Variants in SDK1 observed in about 807,000 individuals in gnomAD.
SDK1 encodes sidekick cell adhesion molecule 1, also known as protein sidekick-1.
SDK1 carries 157 observed loss-of-function variants against 245.5 expected under a neutral mutation model. That is an observed-to-expected ratio of 0.64 (90% confidence interval 0.56 to 0.73). The LOEUF is 0.73. SDK1 is among the 30% of genes least tolerant of loss of function. The pLI, the probability that SDK1 is intolerant of heterozygous loss-of-function variation, is 0.00. For missense variants in SDK1, 3,583 were observed against 3,002.3 expected (o/e 1.19, Z -4.52); for synonymous variants, 1,647 against 1,278.5 (o/e 1.29, Z -6.15).
At chr7:3,550,318 T>C (rs537292710) in intron 1 of SDK1, among the ~76,000 whole-genome samples, 7 of 152,308 alleles carry the variant, frequency 4.6e-5, no homozygotes, top group Admixed American at 1.3e-4. Flanking sequence ...TTGTAGTCAT[T>C]TGCGTTTTCT....
intron 28 of SDK1, among the ~76,000 whole-genome samples, chr7:4,141,047 G>A (rs1353071251): frequency 6.6e-6 from 1 of 152,210 alleles, no homozygotes; most frequent in Admixed American, 6.5e-5. Context: ...CCGGCTCCCT[G>A]CTGTCTAGTC....
At chr7:3,396,610 C>A (rs1781902243) in intron 1 of SDK1, among the ~76,000 whole-genome samples, 1 of 151,216 alleles carries the variant, frequency 6.6e-6, no homozygotes, top group South Asian at 2.1e-4. Context: ...TATAAAATTT[C>A]CTTTTCTTTC....
At chr7:3,488,466 A>T (rs1583936683) in intron 1 of SDK1, among the ~76,000 whole-genome samples, 1 of 152,116 alleles carries the variant, frequency 6.6e-6, no homozygotes, top group Non-Finnish European at 1.5e-5. Context: ...CCTGAATTTC[A>T]GTTTTTATTG....
intron 34 of SDK1, among the ~76,000 whole-genome samples, chr7:4,177,262 C>T (rs565995985): frequency 9.2e-5 from 14 of 152,326 alleles, no homozygotes; most frequent in African/African-American, 3.1e-4. Context: ...CCAAGCACAC[C>T]ACCATCCACA....
intron 1 of SDK1, among the ~76,000 whole-genome samples, chr7:3,406,805 A>G (rs999318438): frequency 6.6e-6 from 1 of 152,204 alleles, no homozygotes; most frequent in Admixed American, 6.5e-5. Context: ...ATGTGCGTGT[A>G]TACATCCATA....
intron 25 of SDK1, among the ~76,000 whole-genome samples, chr7:4,123,698 G>T (rs1038506423): frequency 6.6e-6 from 1 of 152,252 alleles, no homozygotes; most frequent in African/African-American, 2.4e-5. Context: ...TATTTGGGAA[G>T]ATTGGACTGG....
Position 4,136,435 on chromosome 7 carries a change from C to G in SDK1, c.4228+4012C>G, listed in dbSNP as rs555618224. Among the ~76,000 whole-genome samples the G allele has an allele frequency of 2.0e-5, 3 of 152,352 alleles. 1 individual carries two copies. Among genetic ancestry groups the G allele is most frequent in the African/African-American group, 7.2e-5 (3 of 41,582 alleles). On this transcript the variant is annotated intron_variant, in intron 28 of 44. Transcript: ENST00000404826. The stretch of plus-strand genomic sequence containing the variant: ...CAGCTTGGCCTTCTGAGTACATAAA[C>G]ACCTCTGCCGCCCGAGCTTTTGTAA...
intron 21 of SDK1, among the ~76,000 whole-genome samples, chr7:4,077,850 A>G (rs1383068687): frequency 1.3e-5 from 2 of 152,156 alleles, no homozygotes; most frequent in African/African-American, 2.4e-5. Context: ...ACAATTCAAG[A>G]TGAGATTTGA....
intron 4 of SDK1, among the ~76,000 whole-genome samples, chr7:3,692,024 A>G (rs1445592519): frequency 1.3e-5 from 2 of 152,038 alleles, no homozygotes; most frequent in African/African-American, 4.8e-5. Flanking sequence ...TTAAACTCCT[A>G]CAATGTACCA....
At chr7:3,636,854 C>G (rs922554143) in intron 2 of SDK1, among the ~76,000 whole-genome samples, 4 of 152,092 alleles carry the variant, frequency 2.6e-5, no homozygotes, top group Non-Finnish European at 5.9e-5. Context: ...ATGTGTTTTT[C>G]ATTTTTCGAT....
chr7:3,476,662 T>C (rs1781356157), intron 1 of SDK1, among the ~76,000 whole-genome samples: 1 of 152,230 alleles, frequency 6.6e-6, no homozygotes, highest in Non-Finnish European at 1.5e-5. Flanking sequence ...TATTTTTATA[T>C]AGTTAATTTT....
intron 35 of SDK1, among the ~76,000 whole-genome samples, chr7:4,196,471 C>T (rs1387671393): frequency 3.3e-5 from 5 of 152,338 alleles, no homozygotes; most frequent in East Asian, 3.9e-4. Context: ...CGTGCGGTGC[C>T]GTCTCTCCCG....
chr7:3,804,635 G>A lies in SDK1; in HGVS notation c.714-16815G>A, dbSNP rs148546195. Among the ~76,000 whole-genome samples the A allele has an allele frequency of 5.9e-5, 9 of 152,232 alleles. No homozygotes were observed. The East Asian group carries it at 1.5e-3, about 26-fold the overall frequency. The stretch of plus-strand genomic sequence containing the variant: ...ATTTTGAAGGAATCACATTAAACAC[G>A]TAGGCCTGTTCGGACAAAACCAGTA... On this transcript the variant is annotated intron_variant, in intron 4 of 44. Transcript: ENST00000404826.
chr7:4,138,959 C>A (rs945751056), intron 28 of SDK1, among the ~76,000 whole-genome samples: 2 of 152,158 alleles, frequency 1.3e-5, no homozygotes, highest in Non-Finnish European at 2.9e-5. Flanking sequence ...CCGGAGCCTG[C>A]TAGGTTTTGA....
chr7:3,342,582 C>G (rs1780377040), intron 1 of SDK1, among the ~76,000 whole-genome samples: 1 of 151,502 alleles, frequency 6.6e-6, no homozygotes, highest in Non-Finnish European at 1.5e-5. Flanking sequence ...GAGCGAAACT[C>G]CATCTCAAAA....
At chr7:4,116,676 C>T (rs1783732196) in intron 25 of SDK1, among the ~76,000 whole-genome samples, 1 of 152,226 alleles carries the variant, frequency 6.6e-6, no homozygotes, top group African/African-American at 2.4e-5. Context: ...TTTATTTCTT[C>T]CTACTCTTCT....
chr7:4,221,412 G>A, intron 40 of SDK1, 48 bp downstream of exon 40: 1 of 1,557,036 alleles, frequency 6.4e-7, no homozygotes, highest in Non-Finnish European at 8.7e-7. Flanking sequence ...GCGGACGGCA[G>A]TGCTTCTAAG....
intron 38 of SDK1, among the ~76,000 whole-genome samples, chr7:4,215,872 C>G (rs1044299706): frequency 3.9e-4 from 60 of 152,238 alleles, no homozygotes; most frequent in African/African-American, 1.3e-3. Flanking sequence ...TCACCGTGGT[C>G]CTATGAGGTA....
Position 4,161,876 on chromosome 7 carries a change from C to A in SDK1, c.4800+20C>A. Reference sequence around the variant, plus strand: ...TGGCAGGTAAGAGCGCGGGGAATCACGCGCGTTTTGTCAAATGTGTTCTCA... The same window carrying A: ...TGGCAGGTAAGAGCGCGGGGAATCAAGCGCGTTTTGTCAAATGTGTTCTCA... On this transcript the variant is annotated intron_variant, in intron 32 of 44. Transcript: ENST00000404826. 1 of 1,608,820 alleles carries A rather than the reference C, an allele frequency of 6.2e-7. No individual in the cohort carries two copies. Among genetic ancestry groups the A allele is most frequent in the Non-Finnish European group, 8.5e-7 (1 of 1,175,262 alleles).
Sources: gnomAD v4.1 joint callset for allele counts (sites outside exome capture counted in the v4.1 genomes callset) on GRCh38, gnomAD v4.1.1 for gene constraint, MANE v1.5 for transcripts, NCBI Gene and HGNC (gene_info 2026-07-23, HGNC 2026-07-21) for gene names.